ZNF282: variants seen among roughly 807,000 people sequenced by gnomAD.
ZNF282 encodes zinc finger protein 282, also known as HTLV-I U5 repressive element-binding protein 1.
In ZNF282, 30 loss-of-function variants were observed where a neutral mutation model predicts 61.9. The observed-to-expected ratio is 0.48, with a 90% CI of 0.36 to 0.66. The LOEUF (loss-of-function observed/expected upper bound fraction) is 0.66. Among genes scored for constraint, ZNF282 ranks in the 30% least tolerant of loss-of-function variants. The pLI, the probability that ZNF282 is intolerant of heterozygous loss-of-function variation, is 0.00. For synonymous variants in ZNF282, 396 were observed against 405.0 expected (o/e 0.98, Z 0.27); for missense variants, 788 against 941.4 (o/e 0.84, Z 2.13).
At chr7:149,212,083 C>A (rs545830242) in intron 5 of ZNF282, among the ~76,000 whole-genome samples, 1 of 152,254 alleles carries the variant, frequency 6.6e-6, no homozygotes, top group African/African-American at 2.4e-5. Flanking sequence ...AGAATGGGAA[C>A]CTCATTCTAA....
chr7:149,209,020 C>CAAAA (rs58064988), intron 4 of ZNF282, among the ~76,000 whole-genome samples: 2 of 61,726 alleles, frequency 3.2e-5, no homozygotes, highest in Admixed American at 4.3e-4. Context: ...GACTTCATCT[C>CAAAA]AAAAAAAAAA....
intron 2 of ZNF282, among the ~76,000 whole-genome samples, chr7:149,201,239 T>G (rs1259119806): frequency 6.6e-6 from 1 of 152,210 alleles, no homozygotes; most frequent in Non-Finnish European, 1.5e-5. Context: ...CCCTGATTTT[T>G]CTTCAGAATA....
chr7:149,206,951 T>G lies in ZNF282; in HGVS notation c.712+129T>G, dbSNP rs73725458. ...TATGTAATGGAAACTCAGGAAACCA[T>G]TTGCTTATAATGCTAGTAGGATAGA... On this transcript the variant is annotated intron_variant, in intron 3 of 7. Transcript: ENST00000610704. The G allele has an allele frequency of 4.7e-3, 6,196 of 1,325,692 alleles. 227 individuals are homozygous for G. The African/African-American group carries it at 0.081, about 17-fold the overall frequency. The allele number at this position is 1,325,692 out of a possible 1,614,324, so 82.1% of individuals were successfully genotyped here. A position where few individuals can be genotyped will look rare whatever the true frequency, so the allele number is the denominator to read the frequency against.
At chr7:149,214,659 C>A (rs1230422745) in intron 7 of ZNF282, among the ~76,000 whole-genome samples, 2 of 152,084 alleles carry the variant, frequency 1.3e-5, no homozygotes, top group African/African-American at 4.8e-5. Context: ...GTGAGACCCA[C>A]AGGGTCTACA....
intron 2 of ZNF282, among the ~76,000 whole-genome samples, chr7:149,205,362 C>T (rs538654227): frequency 1.3e-5 from 2 of 151,990 alleles, no homozygotes; most frequent in South Asian, 2.1e-4. Context: ...CACTTGAACT[C>T]GGGAAGCAGA....
At position 149,198,497 on chromosome 7, in the gene ZNF282, G is replaced by A; in HGVS notation, c.330G>A (p.Arg110=). The A allele has an allele frequency of 6.2e-7, 1 of 1,614,138 alleles. No individual in the cohort carries two copies. Among genetic ancestry groups the A allele is most frequent in the South Asian group, 1.1e-5 (1 of 91,084 alleles). ...TVVAAIQAVE[R]KVDAQASQLL... is the part of the protein sequence containing the mutation. ...TGGCTGCCATTCAGGCTGTGGAGAG[G>A]AAGGTGGATGCCCAGGCCAGCCAGC... Residue 110 remains arginine (R), a synonymous_variant, in exon 2 of 8, where the codon AGG becomes AGA. Transcript: ENST00000610704. This position sits in a 1 kb window ranked among gnomAD's most constrained non-coding sequence, Gnocchi z 4.3.
intron 7 of ZNF282, among the ~76,000 whole-genome samples, chr7:149,223,348 T>C (rs1390656391): frequency 6.6e-6 from 1 of 151,742 alleles, no homozygotes; most frequent in African/African-American, 2.4e-5. Context: ...CTTGGCAGGC[T>C]GAGGTGGGAG....
chr7:149,207,669 C>G (rs541481570), intron 4 of ZNF282, among the ~76,000 whole-genome samples, 199 bp downstream of exon 4: 1 of 152,256 alleles, frequency 6.6e-6, no homozygotes, highest in Non-Finnish European at 1.5e-5. Flanking sequence ...AAAATAGCAC[C>G]CTGGATATTT....
At chr7:149,220,015 T>C (rs985450176) in intron 7 of ZNF282, among the ~76,000 whole-genome samples, 3 of 152,120 alleles carry the variant, frequency 2.0e-5, no homozygotes, top group East Asian at 1.9e-4. Context: ...ACGGGCCACA[T>C]GGGCCTAGGG....
At chr7:149,206,900 C>T (rs1429864735) in intron 3 of ZNF282, 78 bp downstream of exon 3, 16 of 1,545,414 alleles carry the variant, frequency 1.0e-5, no homozygotes, top group Non-Finnish European at 1.2e-5. Context: ...ACGTTAGCAC[C>T]GCCTAGGCAG....
At chr7:149,218,272 G>A (rs944517950) in intron 7 of ZNF282, among the ~76,000 whole-genome samples, 14 of 152,144 alleles carry the variant, frequency 9.2e-5, no homozygotes, top group Admixed American at 2.0e-4. Context: ...CTGGTGGTCA[G>A]AGCTGGGGTA....
intron 7 of ZNF282, 55 bp downstream of exon 7, chr7:149,213,869 G>C (rs1208813444): frequency 3.0e-6 from 4 of 1,339,112 alleles, no homozygotes; most frequent in Admixed American, 1.8e-5. Context: ...CTGTACAGCT[G>C]AGGCGTGGAC....
At chr7:149,205,114 G>A (rs1028888749) in intron 2 of ZNF282, among the ~76,000 whole-genome samples, 5 of 151,628 alleles carry the variant, frequency 3.3e-5, no homozygotes, top group Admixed American at 6.6e-5. Flanking sequence ...GAGACAGAGC[G>A]AGACTCCGTT....
Position 149,208,188 on chromosome 7 carries a change from T to G in ZNF282, c.832+718T>G, listed in dbSNP as rs141173163. 3.6e-3 allele frequency among the ~76,000 whole-genome samples: 555 copies of G among 152,280 alleles called. 6 individuals carry two copies. Among genetic ancestry groups the G allele is most frequent in the African/African-American group, 0.013 (526 of 41,556 alleles). ...TCTGGGCCCTCTGTCCTCCCTTGTTTTTTTGTTTTTTGTTTCTTTGAGACA... is the reference window on the plus strand; with the variant it reads ...TCTGGGCCCTCTGTCCTCCCTTGTTGTTTTGTTTTTTGTTTCTTTGAGACA... On this transcript the variant is annotated intron_variant, in intron 4 of 7. Coordinates refer to ENST00000610704, the MANE Select transcript of ZNF282 (RefSeq NM_003575.4).
chr7:149,212,373 C>G lies in ZNF282; in HGVS notation c.968C>G (p.Ala323Gly), dbSNP rs767103863. 4.0e-5 allele frequency: 65 copies of G among 1,611,324 alleles called. No individual in the cohort carries two copies. The Admixed American group carries it at 1.1e-3, about 26-fold the overall frequency. ...CCGCAAGTAGACTCCCCAATTTCTG[C>G]CCAGGACCTCTTGTCCCGGATTAAA... ...TESITDSPIS[A>G]QDLLSRIKQE... The change falls in exon 6 of 8, where the codon GCC (alanine) becomes GGC (glycine). Residue 323 changes from alanine (A) to glycine (G), a missense_variant. Transcript: ENST00000610704.
At position 149,217,810 on chromosome 7, in the gene ZNF282, A is replaced by G. The variant is rs1280932858; in HGVS notation, c.1180+3996A>G. Among the ~76,000 whole-genome samples the G allele has an allele frequency of 5.3e-5, 8 of 152,224 alleles. No individual in the cohort carries two copies. The East Asian group carries it at 1.5e-3, about 29-fold the overall frequency. The stretch of plus-strand genomic sequence containing the variant: ...GGGAAGGAGCCGGCCGTGGGGTTGC[A>G]GGGGGAAGAGAAGACCAAGAAGAGG... On this transcript the variant is annotated intron_variant, in intron 7 of 7. Transcript: ENST00000610704.
chr7:149,206,367 C>T (rs1347300765), intron 2 of ZNF282, among the ~76,000 whole-genome samples: 1 of 152,164 alleles, frequency 6.6e-6, no homozygotes, highest in Non-Finnish European at 1.5e-5. Flanking sequence ...CTCTGAGAAC[C>T]CATTACCCCT....
rs974220087 is a variant in ZNF282, at chr7:149,212,187, G to A, written c.953-171G>A. ...TCCTCTTATTTGCAGCAAAAGCTCC[G>A]TTAATTGGGGCCAAGCTGACTTCAA... On this transcript the variant is annotated intron_variant, in intron 5 of 7. Transcript: ENST00000610704. 1.1e-4 allele frequency: 55 copies of A among 513,606 alleles called. 1 individual carries two copies. Among genetic ancestry groups the A allele is most frequent in the Admixed American group, 1.9e-4 (5 of 26,510 alleles). The allele number at this position is 513,606 out of a possible 1,614,324, so 31.8% of individuals were successfully genotyped here. A position where few individuals can be genotyped will look rare whatever the true frequency, so the allele number is the denominator to read the frequency against.
chr7:149,207,365 G>A lies in ZNF282; in HGVS notation c.727G>A (p.Val243Ile), dbSNP rs765805951. 6 of 1,587,548 alleles carry A rather than the reference G, an allele frequency of 3.8e-6. No homozygotes were observed. In the South Asian group the frequency reaches 4.6e-5, roughly 12 times the overall value. ...TLMSLDAEGS[V>I]PKPDAPVQAE... Reference sequence around the variant, plus strand: ...CTCACTTCCAGACGCGGAGGGCTCAGTCCCCAAGCCAGATGCTCCAGTCCA... The same window carrying A: ...CTCACTTCCAGACGCGGAGGGCTCAATCCCCAAGCCAGATGCTCCAGTCCA... Residue 243 changes from valine (V) to isoleucine (I), a missense_variant, in exon 4 of 8, where the codon GTC becomes ATC. Physicochemically the swap from Val to Ile is conservative, Grantham distance 29 (BLOSUM62 3). Around this residue, in one of 3 missense-constraint regions of ZNF282, gnomAD observed 559 missense variants for 642.0 expected, o/e 0.87. Coordinates refer to ENST00000610704, the MANE Select transcript of ZNF282 (RefSeq NM_003575.4).
Sources: allele counts gnomAD v4.1 joint callset (sites outside exome capture counted in the v4.1 genomes callset), GRCh38; gene constraint gnomAD v4.1.1; regional missense constraint gnomAD v4.1.1; non-coding constraint Gnocchi (gnomAD v3.1); transcripts MANE v1.5; gene names NCBI Gene and HGNC (gene_info 2026-07-23, HGNC 2026-07-21).